Variants in PKHD1L1 observed in about 807,000 individuals in gnomAD.
The protein encoded by PKHD1L1 is PKHD1 like 1.
A neutral mutation model predicts 462.9 loss-of-function variants in PKHD1L1; 434 were observed. The observed-to-expected ratio is 0.94, with a 90% confidence interval of 0.87 to 1.02. PKHD1L1 has a LOEUF of 1.02. Among genes scored for constraint, PKHD1L1 ranks in the 50% least tolerant of loss-of-function variants. The pLI is 0.00. For synonymous variants in PKHD1L1, 1,781 were observed against 1,750.0 expected, an observed-to-expected ratio of 1.02 and a Z score of -0.44; for missense variants, 5,202 against 5,096.1, an observed-to-expected ratio of 1.02 and a Z score of -0.63.
At chr8:109,407,237 G>A (rs922025545) in intron 17 of PKHD1L1, among the ~76,000 whole-genome samples, 2 of 152,042 alleles carry the variant, frequency 1.3e-5, no homozygotes, top group Non-Finnish European at 2.9e-5. Flanking sequence ...TTATGTAATT[G>A]TTTATTTGAT....
rs776572446 is a variant in PKHD1L1 at position 109,507,817 on chromosome 8, G to A, written c.11149G>A (p.Asp3717Asn). 7.4e-6 allele frequency: 12 copies of A among 1,613,558 alleles called. No individual in the cohort carries two copies. The Admixed American group carries it at 2.0e-4, about 27-fold the overall frequency. Residue 3717 changes from aspartate to asparagine, a missense_variant, in exon 69 of 78, where the codon GAC becomes AAC. Asp to Asn is a conservative substitution (Grantham distance 23, BLOSUM62 1). Around this residue, in one of 3 missense-constraint regions of PKHD1L1, gnomAD observed 698 missense variants for 736.3 expected, o/e 0.95. Transcript: ENST00000378402. Reference sequence around the variant, plus strand: ...CGGAAACAGCCAAGTAGGAATTGGAGACTACAGAATTCCTAAGGCGATGCT... The same window carrying A: ...CGGAAACAGCCAAGTAGGAATTGGAAACTACAGAATTCCTAAGGCGATGCT... ...WDGNSQVGIGDYRIPKAMLTF... is the reference protein window; with the variant it reads ...WDGNSQVGIGNYRIPKAMLTF...
Position 109,440,797 on chromosome 8 carries a change from C to A in PKHD1L1, c.4044C>A (p.Ile1348=), listed in dbSNP as rs758694221. 6.2e-7 allele frequency: 1 copy of A among 1,613,114 alleles called. No individual in the cohort carries two copies. The highest frequency in any genetic ancestry group is 1.1e-5 in the South Asian group (1 of 91,026). The change falls in exon 33 of 78, where the codon ATC becomes ATA. Residue 1348 remains isoleucine (I), a synonymous_variant. Coordinates refer to ENST00000378402, the MANE Select transcript of PKHD1L1 (RefSeq NM_177531.6). ...QRGSLFGGTE[I]TIRGFGFSTI... ...GCTCCTTGTTTGGTGGAACTGAAAT[C>A]ACCATAAGGGGTTTTGGATTCAGCA...
rs1053513099 is a variant in PKHD1L1, at chr8:109,530,580, A to G, written c.*490A>G. Among the ~76,000 whole-genome samples, 2 of 152,076 alleles carry G rather than the reference A, an allele frequency of 1.3e-5. No homozygotes were observed. The highest frequency in any genetic ancestry group is 2.9e-5 in the Non-Finnish European group (2 of 68,000). ...GGAGAGACGAGATTGTCTTCACACAATCTGAGATGACAATCTCATCTCAGA... is the reference window on the plus strand; with the variant it reads ...GGAGAGACGAGATTGTCTTCACACAGTCTGAGATGACAATCTCATCTCAGA... On this transcript the variant is annotated 3_prime_UTR_variant, in exon 78 of 78. Coordinates refer to ENST00000378402, the MANE Select transcript of PKHD1L1 (RefSeq NM_177531.6).
chr8:109,451,122 G>A lies in PKHD1L1; in HGVS notation c.6323G>A (p.Arg2108Lys), dbSNP rs1263681431. ...PKRGSTAGGTRLTVVGSGFSE... is the reference protein window; with the variant it reads ...PKRGSTAGGTKLTVVGSGFSE... ...AGAGGCAGTACAGCAGGGGGCACCA[G>A]ACTGACAGTCGTGGGATCAGGATTC... is the stretch of plus-strand genomic sequence containing the variant. The change falls in exon 41 of 78, where the codon AGA becomes AAA. Residue 2108 changes from arginine to lysine, a missense_variant. By Grantham distance (26) the Arg-to-Lys change is conservative. Coordinates refer to ENST00000378402, the MANE Select transcript of PKHD1L1 (RefSeq NM_177531.6). The A allele has an allele frequency of 6.2e-7, 1 of 1,611,454 alleles. No homozygotes were observed. The highest frequency in any genetic ancestry group is 1.3e-5 in the African/African-American group (1 of 74,886).
In PKHD1L1 at chr8:109,490,011, A is replaced by T; in HGVS notation, c.9940A>T (p.Ser3314Cys). 1 of 1,609,634 alleles carries T rather than the reference A, an allele frequency of 6.2e-7. No individual in the cohort carries two copies. Among genetic ancestry groups the T allele is most frequent in the Non-Finnish European group, 8.5e-7 (1 of 1,176,814 alleles). The change falls in exon 60 of 78, where the codon AGC becomes TGC. Residue 3314 changes from serine (S) to cysteine (C), a missense_variant. By Grantham distance (112) the Ser-to-Cys change is moderately radical. This residue lies in a region of PKHD1L1 where 4,497 missense variants were observed against 4,336.8 expected (regional missense o/e 1.04). Transcript: ENST00000378402. ...CAGTGGTCAAGAAGGCTTCAGGGAT[A>T]GCACAGATCCAAGATATGCTGTAAC... The part of the protein sequence containing the change: ...YHSGQEGFRD[S>C]TDPRYAVTFL...
chr8:109,496,986 G>C lies in PKHD1L1; in HGVS notation c.10395G>C (p.Met3465Ile). The C allele has an allele frequency of 6.2e-7, 1 of 1,613,004 alleles. No homozygotes were observed. The highest frequency in any genetic ancestry group is 1.1e-5 in the South Asian group (1 of 91,050). The change falls in exon 64 of 78, where the codon ATG (methionine) becomes ATC (isoleucine). Residue 3465 changes from methionine to isoleucine, a missense_variant. Met to Ile is a conservative substitution (Grantham distance 10, BLOSUM62 1). Transcript: ENST00000378402. ...EAHGGLYGIYMNQDGLPGCSL... is the reference protein window; with the variant it reads ...EAHGGLYGIYINQDGLPGCSL... Reference sequence around the variant, plus strand: ...ATGGAGGTTTATATGGGATCTATATGAACCAAGATGGCCTTCCTGGATGTT... The same window carrying C: ...ATGGAGGTTTATATGGGATCTATATCAACCAAGATGGCCTTCCTGGATGTT...
chr8:109,417,494 C>T (rs952934672), intron 21 of PKHD1L1, among the ~76,000 whole-genome samples: 1 of 149,866 alleles, frequency 6.7e-6, no homozygotes, highest in African/African-American at 2.5e-5. Flanking sequence ...AAAATAACAG[C>T]GTTCCCTTGA....
rs371036031 is a variant in PKHD1L1, at chr8:109,465,198, G to T, written c.8366G>T (p.Arg2789Leu). The stretch of plus-strand genomic sequence containing the variant: ...CACACACCGAACAAGGCTGGCTTTC[G>T]CTGGGAACATGAAATGGTAATGATT... The part of the protein sequence containing the change: ...YSHTPNKAGF[R>L]WEHEMVMIDV... The change falls in exon 49 of 78, where the codon CGC (arginine) becomes CTC (leucine). Residue 2789 changes from arginine (R) to leucine (L), a missense_variant. Physicochemically the swap from Arg to Leu is moderately radical, Grantham distance 102 (BLOSUM62 -2). This residue lies in a region of PKHD1L1 where 4,497 missense variants were observed against 4,336.8 expected (regional missense o/e 1.04). Transcript: ENST00000378402. The T allele has an allele frequency of 1.2e-6, 2 of 1,613,626 alleles. No individual in the cohort carries two copies. Among genetic ancestry groups the T allele is most frequent in the Non-Finnish European group, 1.7e-6 (2 of 1,179,708 alleles).
chr8:109,444,508 G>A (rs542632859), intron 37 of PKHD1L1, among the ~76,000 whole-genome samples, 153 bp from the exon 38 acceptor site: 16 of 151,840 alleles, frequency 1.1e-4, no homozygotes, highest in South Asian at 4.2e-4. Context: ...CAAGAGATGC[G>A]TTAATCAGCC....
rs767162051 is a variant in PKHD1L1 at position 109,420,680 on chromosome 8, G to A, written c.2687G>A (p.Ser896Asn). 6.4e-7 allele frequency: 1 copy of A among 1,561,328 alleles called. No individual in the cohort carries two copies. The highest frequency in any genetic ancestry group is 1.2e-5 in the South Asian group (1 of 81,090). Reference sequence around the variant, plus strand: ...TACAATATACCCATGATGGCTGTGAGCTTTGGGCAGGTAAGCCTAGAATTT... The same window carrying A: ...TACAATATACCCATGATGGCTGTGAACTTTGGGCAGGTAAGCCTAGAATTT... ...CSYNIPMMAV[S>N]FGQIITHETE... The change falls in exon 23 of 78, where the codon AGC becomes AAC. Residue 896 changes from serine (S) to asparagine (N), a missense_variant. Coordinates refer to ENST00000378402, the MANE Select transcript of PKHD1L1 (RefSeq NM_177531.6).
chr8:109,364,412 TG>T, intron 1 of PKHD1L1, 134 bp from the exon 2 acceptor site: 1 of 689,928 alleles, frequency 1.4e-6, no homozygotes, highest in Non-Finnish European at 2.4e-6. Flanking sequence ...AAATAAAACC[TG>T]GGTGAATTTT....
In PKHD1L1 at chr8:109,464,368, G is replaced by A; in HGVS notation, c.7536G>A (p.Leu2512=). The change falls in exon 49 of 78, where the codon CTG becomes CTA. Residue 2512 remains leucine (L), a synonymous_variant. Transcript: ENST00000378402. Reference sequence around the variant, plus strand: ...CTATTCATAACACACACCATCTTCTGGTTGAGAGGAATATTATATATGATA... The same window carrying A: ...CTATTCATAACACACACCATCTTCTAGTTGAGAGGAATATTATATATGATA... ...AVTIHNTHHL[L]VERNIIYDIK... 2 of 1,613,204 alleles carry A rather than the reference G, an allele frequency of 1.2e-6. No homozygotes were observed. Among genetic ancestry groups the A allele is most frequent in the Non-Finnish European group, 1.7e-6 (2 of 1,179,558 alleles).
chr8:109,434,561 C>A (rs1815291669), intron 28 of PKHD1L1, among the ~76,000 whole-genome samples: 1 of 151,992 alleles, frequency 6.6e-6, no homozygotes, highest in Admixed American at 6.6e-5. Context: ...CTCTGCCTCC[C>A]AGGTTCAAGT....
chr8:109,405,171 G>A (rs1813471015), intron 16 of PKHD1L1, 41 bp downstream of exon 16: 2 of 1,231,532 alleles, frequency 1.6e-6, no homozygotes, highest in Non-Finnish European at 2.2e-6. Context: ...TTCTGTTCAT[G>A]TATAGATGTA....
chr8:109,372,615 C>T (rs1252679719), intron 2 of PKHD1L1, among the ~76,000 whole-genome samples: 2 of 152,126 alleles, frequency 1.3e-5, no homozygotes, highest in Non-Finnish European at 2.9e-5. Flanking sequence ...AGTTTTTGTC[C>T]ATTCAGTGTG....
At chr8:109,453,412 T>C (rs756933959) in intron 43 of PKHD1L1, among the ~76,000 whole-genome samples, 58 of 152,186 alleles carry the variant, frequency 3.8e-4, no homozygotes, top group Non-Finnish European at 7.2e-4. Flanking sequence ...CTGTGTTTTA[T>C]TTTTTACTAT....
At chr8:109,365,558 T>C (rs1351332852) in intron 2 of PKHD1L1, among the ~76,000 whole-genome samples, 2 of 152,350 alleles carry the variant, frequency 1.3e-5, no homozygotes, top group African/African-American at 4.8e-5. Flanking sequence ...AAGATTATTT[T>C]ATATTATTCA....
At position 109,491,096 on chromosome 8, in the gene PKHD1L1, G is replaced by T; in HGVS notation, c.10109G>T (p.Gly3370Val). Reference protein sequence around the residue: ...IDDNIIHFTVGEGIRIWGNAN... With the variant: ...IDDNIIHFTVVEGIRIWGNAN... ...GACAACATCATTCACTTTACAGTGG[G>T]GGAAGGTAATATAATAATATTTTGG... The change falls in exon 61 of 78, where the codon GGG becomes GTG. Residue 3370 changes from glycine to valine, a missense_variant. Gly to Val is a moderately radical substitution (Grantham distance 109). Around this residue, in one of 3 missense-constraint regions of PKHD1L1, gnomAD observed 4,497 missense variants for 4,336.8 expected, o/e 1.04. Coordinates refer to ENST00000378402, the MANE Select transcript of PKHD1L1 (RefSeq NM_177531.6). 1.2e-6 allele frequency: 2 copies of T among 1,607,028 alleles called. No individual in the cohort carries two copies. The highest frequency in any genetic ancestry group is 2.2e-5 in the South Asian group (2 of 90,498).
intron 2 of PKHD1L1, among the ~76,000 whole-genome samples, chr8:109,380,880 A>G (rs1432144270): frequency 6.6e-6 from 1 of 152,054 alleles, no homozygotes; most frequent in Non-Finnish European, 1.5e-5. Flanking sequence ...CTCCTCCTCT[A>G]TTCTTTTTAG....
Sources: allele counts gnomAD v4.1 joint callset (sites outside exome capture counted in the v4.1 genomes callset), GRCh38; gene constraint gnomAD v4.1.1; regional missense constraint gnomAD v4.1.1; transcripts MANE v1.5; gene names NCBI Gene and HGNC (gene_info 2026-07-23, HGNC 2026-07-21).